Variants in USP7 observed in about 807,000 individuals in gnomAD.
The protein encoded by USP7 is ubiquitin specific peptidase 7, also known as ubiquitin C-terminal hydrolase 7.
A neutral mutation model predicts 162.9 loss-of-function variants in USP7; 9 were observed. That is an observed-to-expected ratio of 0.06 (90% CI 0.03 to 0.10). The LOEUF (loss-of-function observed/expected upper bound fraction) is 0.10, where lower values mean the gene tolerates loss of function less well. USP7 is among the 10% of genes least tolerant of loss of function. USP7 has a pLI of 1.00. For synonymous variants in USP7, 562 were observed against 475.9 expected, an observed-to-expected ratio of 1.18 and a Z score of -2.35; for missense variants, 715 against 1,373.7, an observed-to-expected ratio of 0.52 and a Z score of 7.58.
At chr16:8,924,963 TC>T (rs917410462) in intron 2 of USP7, among the ~76,000 whole-genome samples, 4 of 152,230 alleles carry the variant, frequency 2.6e-5, no homozygotes, top group African/African-American at 9.6e-5. Context: ...CAAGTGGTAT[TC>T]CCCTAATCCT....
chr16:8,917,211 A>G, intron 6 of USP7, 55 bp from the exon 7 acceptor site: 2 of 1,539,460 alleles, frequency 1.3e-6, no homozygotes, highest in Non-Finnish European at 1.7e-6. Flanking sequence ...GGGGAATTTA[A>G]AAAACAGTAA....
In USP7 at chr16:8,901,249, A is replaced by G; in HGVS notation, c.2048-15T>C. ...CATTACATCATCTACAAGGTTAATA[A>G]ACAAGTTTTGTTAAGATCCAAACAC... On this transcript the variant is annotated splice_polypyrimidine_tract_variant and intron_variant, in intron 18 of 30. Transcript: ENST00000344836. 1 of 1,594,028 alleles carries G rather than the reference A, an allele frequency of 6.3e-7. No homozygotes were observed. The highest frequency in any genetic ancestry group is 8.6e-7 in the Non-Finnish European group (1 of 1,162,050).
chr16:8,951,178 T>C (rs1451198273), intron 1 of USP7, among the ~76,000 whole-genome samples: 1 of 16,556 alleles, frequency 6.0e-5, no homozygotes, highest in Admixed American at 7.8e-4. Context: ...TTGCCACTGT[T>C]TGACTGCTAC....
intron 1 of USP7, among the ~76,000 whole-genome samples, chr16:8,952,334 C>T (rs1016940619): frequency 1.1e-4 from 17 of 152,336 alleles, no homozygotes; most frequent in African/African-American, 4.1e-4. Context: ...CACATGTGTT[C>T]CAATCCCAGC....
intron 1 of USP7, among the ~76,000 whole-genome samples, chr16:8,940,061 G>C (rs536942950): frequency 1.3e-5 from 2 of 152,058 alleles, no homozygotes; most frequent in African/African-American, 2.4e-5. Flanking sequence ...TCATGCCACT[G>C]AACTCCAGCA....
intron 1 of USP7, among the ~76,000 whole-genome samples, chr16:8,943,228 A>G (rs1180291217): frequency 6.6e-6 from 1 of 152,150 alleles, no homozygotes; most frequent in Non-Finnish European, 1.5e-5. Context: ...CTAACTACCA[A>G]AAGTGCCTGT....
At chr16:8,961,282 C>A (rs1195067444) in intron 1 of USP7, among the ~76,000 whole-genome samples, 1 of 151,910 alleles carries the variant, frequency 6.6e-6, no homozygotes, top group Non-Finnish European at 1.5e-5. Flanking sequence ...CACCTGAGGT[C>A]GGGAGTTCGA....
intron 1 of USP7, 49 bp from the exon 2 acceptor site, chr16:8,930,446 A>G (rs1898253903): frequency 7.3e-7 from 1 of 1,371,892 alleles, no homozygotes; most frequent in East Asian, 2.3e-5. Flanking sequence ...CATGGCTTTA[A>G]TAGAATAAGC....
chr16:8,930,949 T>A (rs7184566), intron 1 of USP7, among the ~76,000 whole-genome samples: 149,834 of 151,476 alleles, frequency 0.99, 74,127 homozygotes, highest in East Asian at 1. Flanking sequence ...AGCCTGGCCG[T>A]CAGGGTGAGA....
chr16:8,907,126 G>T (rs967772824), intron 12 of USP7, among the ~76,000 whole-genome samples: 14 of 152,234 alleles, frequency 9.2e-5, no homozygotes, highest in African/African-American at 2.4e-4. Flanking sequence ...TCAGCTCACA[G>T]CCCCTGCGGC....
chr16:8,930,449 G>C (rs775584853), intron 1 of USP7, 52 bp from the exon 2 acceptor site: 3 of 1,335,744 alleles, frequency 2.2e-6, no homozygotes, highest in East Asian at 2.4e-5. Flanking sequence ...GGCTTTAATA[G>C]AATAAGCAAA....
At chr16:8,905,907 C>G (rs1040417863) in intron 13 of USP7, among the ~76,000 whole-genome samples, 3 of 152,182 alleles carry the variant, frequency 2.0e-5, no homozygotes, top group African/African-American at 7.2e-5. Flanking sequence ...CTCGTGCTGT[C>G]GGGTCCCTCC....
intron 13 of USP7, 141 bp from the exon 14 acceptor site, chr16:8,905,472 G>A (rs1342281921): frequency 2.9e-6 from 3 of 1,026,882 alleles, no homozygotes; most frequent in Non-Finnish European, 4.3e-6. Flanking sequence ...TCTTATACAG[G>A]CACACAATCT....
chr16:8,922,259 C>T lies in USP7; in HGVS notation c.383+956G>A, dbSNP rs966735659. Among the ~76,000 whole-genome samples, 4 of 152,218 alleles carry T rather than the reference C, an allele frequency of 2.6e-5. No homozygotes were observed. In the East Asian group the frequency reaches 7.7e-4, roughly 29 times the overall value. On this transcript the variant is annotated intron_variant, in intron 3 of 30. Coordinates refer to ENST00000344836, the MANE Select transcript of USP7 (RefSeq NM_003470.3). ...ATCCCAGCACTTTGGCAGGCCGAGA[C>T]AGGCAGATCACCTGAGGTCAGGAGT...
chr16:8,915,630 C>G, intron 8 of USP7, 105 bp from the exon 9 acceptor site: 1 of 1,038,942 alleles, frequency 9.6e-7, no homozygotes, highest in Non-Finnish European at 1.4e-6. Context: ...AAGTTGTAGA[C>G]TATAAAAATA....
intron 4 of USP7, among the ~76,000 whole-genome samples, 178 bp downstream of exon 4, chr16:8,920,979 A>C (rs1468585162): frequency 6.6e-6 from 1 of 152,256 alleles, no homozygotes; most frequent in Admixed American, 6.5e-5. Flanking sequence ...GTGAATCCAG[A>C]AAGCTGCTAA....
chr16:8,930,551 C>G (rs1412088561), intron 1 of USP7, among the ~76,000 whole-genome samples, 154 bp from the exon 2 acceptor site: 1 of 152,166 alleles, frequency 6.6e-6, no homozygotes, highest in Non-Finnish European at 1.5e-5. Context: ...AATATTTATA[C>G]TAATGTTTAC....
rs190123906 is a variant in USP7, at chr16:8,924,965, C to A, written c.185-1552G>T. Among the ~76,000 whole-genome samples the A allele has an allele frequency of 9.2e-5, 14 of 152,256 alleles. No homozygotes were observed. The East Asian group carries it at 2.7e-3, about 29-fold the overall frequency. On this transcript the variant is annotated intron_variant, in intron 2 of 30. Transcript: ENST00000344836. ...ATTTGAGCCTCTTCAAGTGGTATTC[C>A]CCTAATCCTTTTGAGGATAGAAGTC... is the stretch of plus-strand genomic sequence containing the variant.
At chr16:8,939,859 G>A (rs532931226) in intron 1 of USP7, among the ~76,000 whole-genome samples, 2 of 152,326 alleles carry the variant, frequency 1.3e-5, no homozygotes, top group East Asian at 3.9e-4. Context: ...CAGCACTTTG[G>A]GAGGCCAAGG....
Sources: allele counts gnomAD v4.1 joint callset (sites outside exome capture counted in the v4.1 genomes callset), GRCh38; gene constraint gnomAD v4.1.1; transcripts MANE v1.5; gene names NCBI Gene and HGNC (gene_info 2026-07-23, HGNC 2026-07-21).